The following B3GALT5 variants were observed in gnomAD, a reference collection of about 807,000 sequenced individuals.
The protein encoded by B3GALT5 is beta-1,3-galactosyltransferase 5, also known as UDP-Gal:betaGlcNAc beta 1,3-galactosyltransferase, polypeptide 5.
For synonymous variants in B3GALT5, 156 were observed against 158.6 expected (o/e 0.98, Z 0.12); for missense variants, 328 against 396.6 (o/e 0.83, Z 1.47).
chr21:39,639,729 C>T (rs112751530), intron 1 of B3GALT5, among the ~76,000 whole-genome samples: 19,101 of 151,738 alleles, frequency 0.13, 1,337 homozygotes, highest in Non-Finnish European at 0.16. Context: ...CCACCTGCCT[C>T]GGCCTCCCAA....
chr21:39,648,741 C>A (rs917597585), intron 2 of B3GALT5, among the ~76,000 whole-genome samples: 1 of 152,170 alleles, frequency 6.6e-6, no homozygotes, highest in Admixed American at 6.5e-5. Context: ...GAAGGCCTCA[C>A]CCCCAAAGGG....
At chr21:39,613,448 T>C (rs761370486) in intron 1 of B3GALT5, among the ~76,000 whole-genome samples, 1 of 152,144 alleles carries the variant, frequency 6.6e-6, no homozygotes, top group Non-Finnish European at 1.5e-5. Flanking sequence ...AAACAAACTC[T>C]GAAGCACCCT....
At chr21:39,628,048 C>G (rs2079173179) in intron 1 of B3GALT5, among the ~76,000 whole-genome samples, 1 of 152,190 alleles carries the variant, frequency 6.6e-6, no homozygotes, top group South Asian at 2.1e-4. Context: ...ATAATTCTAA[C>G]CACTTAGAAA....
chr21:39,646,531 T>G lies in B3GALT5; in HGVS notation c.-252T>G, dbSNP rs1043075979. 6.6e-6 allele frequency: 1 copy of G among 152,206 alleles called. No individual in the cohort carries two copies. Among genetic ancestry groups the G allele is most frequent in the African/African-American group, 2.4e-5 (1 of 41,450 alleles). The allele number at this position is 152,206 out of a possible 1,614,324, so 9.4% of individuals were successfully genotyped here. A position where few individuals can be genotyped will look rare whatever the true frequency, so the allele number is the denominator to read the frequency against. On this transcript the variant is annotated 5_prime_UTR_variant, in exon 2 of 4. Coordinates refer to ENST00000684187, the MANE Select transcript of B3GALT5 (RefSeq NM_001356336.2). Reference sequence around the variant, plus strand: ...CATTTGTTCATTCGAAAGTCTCCACTGGGCTTCTGAGTGCCACATCCTGTC... The same window carrying G: ...CATTTGTTCATTCGAAAGTCTCCACGGGGCTTCTGAGTGCCACATCCTGTC...
intron 2 of B3GALT5, among the ~76,000 whole-genome samples, chr21:39,648,333 G>A (rs1171552157): frequency 2.6e-5 from 4 of 152,116 alleles, no homozygotes; most frequent in Admixed American, 6.5e-5. Flanking sequence ...TTCAGCAGGC[G>A]GTAGATTGTA....
Position 39,646,491 on chromosome 21 carries a change from A to G in B3GALT5, c.-292A>G, listed in dbSNP as rs1374641863. On this transcript the variant is annotated 5_prime_UTR_variant, in exon 2 of 4. Transcript: ENST00000684187. ...ACATAATTTGGCTTTTGGAGACATGAGCAGCTTCATTTCTCATTTGTTCAT... is the reference window on the plus strand; with the variant it reads ...ACATAATTTGGCTTTTGGAGACATGGGCAGCTTCATTTCTCATTTGTTCAT... 6.6e-6 allele frequency: 1 copy of G among 152,226 alleles called. No individual in the cohort carries two copies. The highest frequency in any genetic ancestry group is 2.4e-5 in the African/African-American group (1 of 41,456). The allele number at this position is 152,226 out of a possible 1,614,324, so 9.4% of individuals were successfully genotyped here.
At chr21:39,617,238 G>C (rs2079111562) in intron 1 of B3GALT5, among the ~76,000 whole-genome samples, 1 of 152,142 alleles carries the variant, frequency 6.6e-6, no homozygotes, top group African/African-American at 2.4e-5. Context: ...GTTTCGTATG[G>C]TCCTACTGAA....
intron 1 of B3GALT5, among the ~76,000 whole-genome samples, chr21:39,645,877 A>C (rs1281448362): frequency 6.6e-6 from 1 of 150,666 alleles, no homozygotes; most frequent in Non-Finnish European, 1.5e-5. Flanking sequence ...AATAGTTTTT[A>C]CTCTGTTAAA....
At chr21:39,641,268 G>A (rs1281023763) in intron 1 of B3GALT5, among the ~76,000 whole-genome samples, 1 of 152,266 alleles carries the variant, frequency 6.6e-6, no homozygotes, top group East Asian at 1.9e-4. Flanking sequence ...TTTAGCTTCC[G>A]ACACTACAGA....
At chr21:39,619,565 T>C (rs1205829711) in intron 1 of B3GALT5, among the ~76,000 whole-genome samples, 1 of 152,204 alleles carries the variant, frequency 6.6e-6, no homozygotes, top group Non-Finnish European at 1.5e-5. Context: ...CTTGTTTTGC[T>C]TTATAATGTA....
At chr21:39,655,192 A>G (rs906422615) in intron 2 of B3GALT5, among the ~76,000 whole-genome samples, 3 of 152,254 alleles carry the variant, frequency 2.0e-5, no homozygotes, top group Non-Finnish European at 4.4e-5. Context: ...GGACCCAGGA[A>G]GAGCTGATGT....
At chr21:39,626,675 G>C (rs2079165583) in intron 1 of B3GALT5, among the ~76,000 whole-genome samples, 1 of 151,864 alleles carries the variant, frequency 6.6e-6, no homozygotes, top group South Asian at 2.1e-4. Context: ...ACTGAGATTT[G>C]CATTTGCCAG....
At chr21:39,651,926 C>T (rs1310938586) in intron 2 of B3GALT5, among the ~76,000 whole-genome samples, 2 of 152,168 alleles carry the variant, frequency 1.3e-5, no homozygotes, top group Non-Finnish European at 2.9e-5. Flanking sequence ...TTGTATTATA[C>T]ATGTAAAAAC....
At position 39,631,437 on chromosome 21, in the gene B3GALT5, A is replaced by T. The variant is rs561600557; in HGVS notation, c.-391-14955A>T. Among the ~76,000 whole-genome samples, 20 of 152,182 alleles carry T rather than the reference A, an allele frequency of 1.3e-4. 1 individual carries two copies. The highest frequency in any genetic ancestry group is 1.1e-3 in the Admixed American group (17 of 15,286). On this transcript the variant is annotated intron_variant, in intron 1 of 3. Coordinates refer to ENST00000684187, the MANE Select transcript of B3GALT5 (RefSeq NM_001356336.2). ...TCCCCTAATTATAAGGACAGCAGGG[A>T]TATTGTATTAGGGGCCCAGCCTACT... is the stretch of plus-strand genomic sequence containing the variant.
chr21:39,638,340 C>T (rs2146196607), intron 1 of B3GALT5, among the ~76,000 whole-genome samples: 1 of 152,300 alleles, frequency 6.6e-6, no homozygotes, highest in Middle Eastern at 3.4e-3. Context: ...CGGAGGAACA[C>T]ATGGGCGGCT....
intron 2 of B3GALT5, among the ~76,000 whole-genome samples, chr21:39,655,858 C>T (rs374106592): frequency 1.2e-3 from 178 of 152,248 alleles, no homozygotes; most frequent in African/African-American, 4.0e-3. Context: ...GGAGAAGCAT[C>T]GTTCTCGTCC....
chr21:39,615,344 T>C (rs575670862), intron 1 of B3GALT5, among the ~76,000 whole-genome samples: 147 of 152,172 alleles, frequency 9.7e-4, no homozygotes, highest in Non-Finnish European at 1.7e-3. Flanking sequence ...GGTAAGATGA[T>C]TTATAGAGAT....
At chr21:39,636,743 C>T (rs2079230663) in intron 1 of B3GALT5, among the ~76,000 whole-genome samples, 1 of 152,142 alleles carries the variant, frequency 6.6e-6, no homozygotes, top group Non-Finnish European at 1.5e-5. Context: ...TCTCCTCACC[C>T]AGTCTCTTCA....
chr21:39,626,118 C>G (rs531686249), intron 1 of B3GALT5, among the ~76,000 whole-genome samples: 50 of 152,258 alleles, frequency 3.3e-4, no homozygotes, highest in African/African-American at 1.1e-3. Flanking sequence ...AACCCCCATT[C>G]TATTTCCTGT....
Sources: allele counts gnomAD v4.1 joint callset (sites outside exome capture counted in the v4.1 genomes callset), GRCh38; gene constraint gnomAD v4.1.1; transcripts MANE v1.5; gene names NCBI Gene and HGNC (gene_info 2026-07-23, HGNC 2026-07-21).